ABCA13: variants seen among roughly 807,000 people sequenced by gnomAD.
ABCA13 encodes the protein ATP-binding cassette sub-family A member 13.
A neutral mutation model predicts 478.7 loss-of-function variants in ABCA13; 476 were observed. The observed-to-expected ratio is 0.99, with a 90% CI of 0.92 to 1.07. The LOEUF is 1.07. ABCA13 is among the 50% of genes least tolerant of loss of function. ABCA13 has a pLI of 0.00. For synonymous variants in ABCA13, 2,252 were observed against 2,158.9 expected, an observed-to-expected ratio of 1.04 and a Z score of -1.20; for missense variants, 6,060 against 5,910.6, an observed-to-expected ratio of 1.03 and a Z score of -0.83.
chr7:48,282,558 GTCA>G (rs141013064), intron 19 of ABCA13, among the ~76,000 whole-genome samples: 2,181 of 152,164 alleles, frequency 0.014, 20 homozygotes, highest in Middle Eastern at 0.054. Context: ...AAAGTGAGGG[GTCA>G]TCTGAGTAGG....
intron 35 of ABCA13, among the ~76,000 whole-genome samples, chr7:48,380,272 A>G (rs1563155629): frequency 6.6e-6 from 1 of 152,220 alleles, no homozygotes; most frequent in African/African-American, 2.4e-5. Flanking sequence ...ATTCAAGAAT[A>G]TCTGGTTTTA....
chr7:48,645,831 A>G lies in ABCA13; in HGVS notation c.*319A>G, dbSNP rs1033640244. The G allele has an allele frequency of 3.4e-6, 1 of 297,514 alleles. No individual in the cohort carries two copies. The highest frequency in any genetic ancestry group is 2.3e-5 in the African/African-American group (1 of 43,626). 18.4% of individuals were successfully genotyped at this position (297,514 alleles called of 1,614,324 possible). On this transcript the variant is annotated 3_prime_UTR_variant, in exon 62 of 62. Coordinates refer to ENST00000435803, the MANE Select transcript of ABCA13 (RefSeq NM_152701.5). ...AAACTGAGACATTCTGGAGCTGGAA[A>G]GCCTGTCACACTAGAGTGTGTGTGA...
intron 45 of ABCA13, among the ~76,000 whole-genome samples, chr7:48,479,034 G>T (rs1045896296): frequency 2.0e-5 from 3 of 147,238 alleles, no homozygotes; most frequent in African/African-American, 5.0e-5. Flanking sequence ...TGCAAGCTCC[G>T]CCTCCTGGGT....
intron 42 of ABCA13, among the ~76,000 whole-genome samples, 166 bp downstream of exon 42, chr7:48,428,037 T>C (rs34541457): frequency 0.27 from 41,629 of 151,708 alleles, 5,868 homozygotes; most frequent in East Asian, 0.37. Flanking sequence ...AAAAAAAACG[T>C]TGAGTTTTAT....
chr7:48,303,916 ATTTG>A (rs1183784234), intron 23 of ABCA13, among the ~76,000 whole-genome samples: 2 of 152,136 alleles, frequency 1.3e-5, no homozygotes, highest in African/African-American at 4.8e-5. Flanking sequence ...ACACCTATTT[ATTTG>A]TTTGGGCTCT....
At chr7:48,402,202 TGAA>T (rs1817702046) in intron 38 of ABCA13, among the ~76,000 whole-genome samples, 1 of 151,998 alleles carries the variant, frequency 6.6e-6, no homozygotes, top group Admixed American at 6.5e-5. Flanking sequence ...ATGGAAGAAA[TGAA>T]GAAGGAGGGG....
intron 59 of ABCA13, among the ~76,000 whole-genome samples, chr7:48,642,418 C>T (rs1795160212): frequency 6.6e-6 from 1 of 152,170 alleles, no homozygotes. Flanking sequence ...ACTGGGCATG[C>T]CATTTCATTC....
chr7:48,395,686 G>T (rs1181021514), intron 38 of ABCA13, among the ~76,000 whole-genome samples: 2 of 152,156 alleles, frequency 1.3e-5, no homozygotes, highest in Admixed American at 6.5e-5. Flanking sequence ...CTTCTAGTTA[G>T]ACAATAGTAA....
intron 28 of ABCA13, among the ~76,000 whole-genome samples, chr7:48,337,158 C>T (rs921763221): frequency 3.3e-5 from 5 of 152,130 alleles, no homozygotes; most frequent in South Asian, 4.1e-4. Flanking sequence ...CAAGGGAACT[C>T]GCAGTACCTT....
chr7:48,184,552 G>A (rs139742438), intron 1 of ABCA13, among the ~76,000 whole-genome samples: 10,801 of 152,168 alleles, frequency 0.071, 469 homozygotes, highest in East Asian at 0.16. Flanking sequence ...AGGTGTGATG[G>A]CTCCCACCTG....
At position 48,520,293 on chromosome 7, in the gene ABCA13, A is replaced by G. The variant is rs1832453007; in HGVS notation, c.14050A>G (p.Arg4684Gly). The G allele has an allele frequency of 2.5e-6, 4 of 1,609,046 alleles. No homozygotes were observed. The highest frequency in any genetic ancestry group is 1.1e-5 in the South Asian group (1 of 90,558). Residue 4684 changes from arginine to glycine, a missense_variant and splice_region_variant, in exon 53 of 62, where the codon AGG (arginine) becomes GGG (glycine). Arg to Gly is a moderately radical substitution (Grantham distance 125). Transcript: ENST00000435803. ...LLHWDLLRWP[R>G]GHSTLQGTVK... is the part of the protein sequence containing the mutation. ...ACACTGGGACCTTCTGCGATGGCCAAGGTGGGTTCTGAAGGACTCATCCTC... is the reference window on the plus strand; with the variant it reads ...ACACTGGGACCTTCTGCGATGGCCAGGGTGGGTTCTGAAGGACTCATCCTC...
chr7:48,217,599 GAGCTC>G (rs1399365356), intron 3 of ABCA13, among the ~76,000 whole-genome samples: 1 of 152,106 alleles, frequency 6.6e-6, no homozygotes, highest in Non-Finnish European at 1.5e-5. Context: ...GACTCCAAGG[GAGCTC>G]TCATTGGGTC....
intron 55 of ABCA13, among the ~76,000 whole-genome samples, chr7:48,536,971 A>T (rs1479130009): frequency 6.6e-6 from 1 of 151,996 alleles, no homozygotes; most frequent in Non-Finnish European, 1.5e-5. Context: ...TTTAATTTAA[A>T]ATTGCAAATT....
At chr7:48,361,371 C>G (rs1810808905) in intron 31 of ABCA13, among the ~76,000 whole-genome samples, 1 of 151,682 alleles carries the variant, frequency 6.6e-6, no homozygotes, top group Non-Finnish European at 1.5e-5. Context: ...TCATTCCTCT[C>G]TCGGTGTGGT....
At chr7:48,187,438 C>T (rs2128883328) in intron 1 of ABCA13, among the ~76,000 whole-genome samples, 1 of 151,950 alleles carries the variant, frequency 6.6e-6, no homozygotes, top group South Asian at 2.1e-4. Context: ...CAGGGAAATT[C>T]TCCTATCTTA....
chr7:48,448,186 T>C (rs1048173106), intron 42 of ABCA13, among the ~76,000 whole-genome samples: 7 of 152,302 alleles, frequency 4.6e-5, no homozygotes, highest in Non-Finnish European at 8.8e-5. Context: ...GCTGAGATCA[T>C]AATTATGGTG....
chr7:48,285,153 T>G (rs1797557454), intron 19 of ABCA13, among the ~76,000 whole-genome samples: 1 of 151,590 alleles, frequency 6.6e-6, no homozygotes, highest in African/African-American at 2.4e-5. Context: ...AGAGTGAGAG[T>G]GAGTTTCCCA....
chr7:48,448,251 G>C (rs114438110), intron 42 of ABCA13, among the ~76,000 whole-genome samples: 1,600 of 152,314 alleles, frequency 0.011, 26 homozygotes, highest in African/African-American at 0.036. Flanking sequence ...GGAAGCTCAG[G>C]TTTGGAAACT....
intron 16 of ABCA13, among the ~76,000 whole-genome samples, chr7:48,269,912 C>A (rs1278874973): frequency 1.3e-5 from 2 of 152,152 alleles, no homozygotes; most frequent in Non-Finnish European, 2.9e-5. Flanking sequence ...GAAGAAAGGA[C>A]AATGGGATGG....
Sources: gnomAD v4.1 joint callset for allele counts (sites outside exome capture counted in the v4.1 genomes callset) on GRCh38, gnomAD v4.1.1 for gene constraint, MANE v1.5 for transcripts, NCBI Gene and HGNC (gene_info 2026-07-23, HGNC 2026-07-21) for gene names.